Variants in ANKRD36 observed in about 807,000 individuals in gnomAD.
The protein encoded by ANKRD36 is ankyrin repeat domain 36, also known as ankyrin repeat domain-containing protein 36A.
In ANKRD36, 179 loss-of-function variants were observed where a neutral mutation model predicts 278.1. The ratio of observed to expected loss-of-function variants is 0.64; its 90% CI spans 0.57 to 0.73. ANKRD36 has a LOEUF of 0.73. ANKRD36 is among the 30% of genes least tolerant of loss of function. The pLI is 0.00. For synonymous variants in ANKRD36, 320 were observed against 641.1 expected (o/e 0.50, Z 7.57); for missense variants, 1,159 against 1,956.7 (o/e 0.59, Z 7.69).
chr2:97,130,064 T>G (rs547204662), intron 6 of ANKRD36, among the ~76,000 whole-genome samples: 1 of 152,180 alleles, frequency 6.6e-6, no homozygotes, highest in South Asian at 2.1e-4. Context: ...CCTTGGGCAG[T>G]ACAGCCATTT....
chr2:97,229,466 C>T (rs1558947443), intron 67 of ANKRD36, among the ~76,000 whole-genome samples: 1 of 151,966 alleles, frequency 6.6e-6, no homozygotes, highest in African/African-American at 2.4e-5. Flanking sequence ...CAACCCCTGC[C>T]TTTTTTTGTT....
chr2:97,183,728 G>A, intron 28 of ANKRD36, 74 bp downstream of exon 28: 1 of 1,467,512 alleles, frequency 6.8e-7, no homozygotes, highest in South Asian at 1.3e-5. Context: ...GAATAGATCA[G>A]TGGGGTGTCA....
chr2:97,230,460 A>T (rs1240777917), intron 67 of ANKRD36, among the ~76,000 whole-genome samples: 6 of 152,078 alleles, frequency 3.9e-5, no homozygotes, highest in African/African-American at 1.4e-4. Context: ...CTCTTCACGT[A>T]GTTCTCGAGC....
chr2:97,223,097 A>ATT (rs2068226890), intron 66 of ANKRD36, among the ~76,000 whole-genome samples: 1 of 132,742 alleles, frequency 7.5e-6, no homozygotes, highest in African/African-American at 3.1e-5. Context: ...CTTATTATAC[A>ATT]CTTTTTTTTT....
chr2:97,240,996 T>G (rs1383297280), intron 68 of ANKRD36, among the ~76,000 whole-genome samples: 87 of 144,232 alleles, frequency 6.0e-4, no homozygotes, highest in Non-Finnish European at 9.9e-4. Flanking sequence ...TTTTTTTTTT[T>G]TTTTTTTTTT....
chr2:97,209,946 C>T (rs1379484428), intron 56 of ANKRD36, 74 bp downstream of exon 56: 104 of 1,510,298 alleles, frequency 6.9e-5, no homozygotes, highest in Non-Finnish European at 8.2e-5. Flanking sequence ...AATAAATCAG[C>T]GGAGGGCTCG....
At chr2:97,232,148 TTTAA>T (rs2072368817) in intron 67 of ANKRD36, among the ~76,000 whole-genome samples, 1 of 152,082 alleles carries the variant, frequency 6.6e-6, no homozygotes, top group African/African-American at 2.4e-5. Context: ...GATATTAAAC[TTTAA>T]TTATTTTAAA....
chr2:97,118,311 G>A (rs879158671), intron 2 of ANKRD36, 33 bp from the exon 3 acceptor site: 12 of 1,611,100 alleles, frequency 7.4e-6, no homozygotes, highest in African/African-American at 2.7e-5. Context: ...TGATTTTTCA[G>A]TATTTGCATG....
rs766171259 is a variant in ANKRD36 at position 97,144,713 on chromosome 2, G to A, written c.1003+1G>A. 1.4e-5 allele frequency: 22 copies of A among 1,543,942 alleles called. No individual in the cohort carries two copies. The Admixed American group carries it at 4.1e-4, about 29-fold the overall frequency. ...AAAGATGAACAAAAATCTGGGACAG[G>A]TAATTTTGCAATACACATTTAATGC... On this transcript the variant is annotated splice_donor_variant, in intron 10 of 75. Coordinates refer to ENST00000420699, the MANE Select transcript of ANKRD36 (RefSeq NM_001354587.1). LOFTEE classifies it high-confidence loss of function.
At chr2:97,207,614 C>G (rs1413887361) in intron 52 of ANKRD36, among the ~76,000 whole-genome samples, 197 bp from the exon 53 acceptor site, 4 of 151,460 alleles carry the variant, frequency 2.6e-5, no homozygotes, top group African/African-American at 7.2e-5. Flanking sequence ...AATTCTAAGA[C>G]TATATTTCAT....
intron 6 of ANKRD36, among the ~76,000 whole-genome samples, chr2:97,133,377 A>G (rs2040671322): frequency 6.6e-6 from 1 of 152,078 alleles, no homozygotes; most frequent in South Asian, 2.1e-4. Flanking sequence ...AGAAGTTACT[A>G]TGGCAATATT....
chr2:97,205,008 T>C (rs1050064125), intron 50 of ANKRD36, among the ~76,000 whole-genome samples: 4 of 151,460 alleles, frequency 2.6e-5, no homozygotes, highest in African/African-American at 9.7e-5. Flanking sequence ...ATTGGCTTCT[T>C]TGTTCAAGGA....
Position 97,196,745 on chromosome 2 carries a change from G to A in ANKRD36, c.2610G>A (p.Leu870=), listed in dbSNP as rs1380706903. The A allele has an allele frequency of 5.1e-6, 8 of 1,555,510 alleles. No homozygotes were observed. Among genetic ancestry groups the A allele is most frequent in the Non-Finnish European group, 5.2e-6 (6 of 1,152,378 alleles). The change falls in exon 42 of 76, where the codon TTG becomes TTA. Residue 870 remains leucine (L), a synonymous_variant. Coordinates refer to ENST00000420699, the MANE Select transcript of ANKRD36 (RefSeq NM_001354587.1). ...CAAGTGACGAGGAAGATTCTGTTTT[G>A]GGTATAGCCAGAGAAAACAAGGATG... The part of the protein sequence containing the change: ...KGTSDEEDSV[L]GIARENKDGE...
At chr2:97,205,916 T>C in intron 50 of ANKRD36, 24 bp from the exon 51 acceptor site, 4 of 1,543,214 alleles carry the variant, frequency 2.6e-6, no homozygotes, top group Non-Finnish European at 2.6e-6. Context: ...ATATGACTGA[T>C]TATGAATCAC....
intron 6 of ANKRD36, among the ~76,000 whole-genome samples, chr2:97,131,015 AT>A (rs2040002681): frequency 6.6e-6 from 1 of 151,940 alleles, no homozygotes; most frequent in Non-Finnish European, 1.5e-5. Context: ...TGTCTTTTAA[AT>A]TTTCAAATTA....
At chr2:97,210,543 G>A (rs569013182) in intron 56 of ANKRD36, among the ~76,000 whole-genome samples, 11 of 151,920 alleles carry the variant, frequency 7.2e-5, no homozygotes, top group East Asian at 2.0e-4. Flanking sequence ...ACTAGGAGGC[G>A]TCAGAGATAC....
rs868541658 is a variant in ANKRD36, at chr2:97,116,800, C to T, written c.198-1264C>T. On this transcript the variant is annotated intron_variant, in intron 1 of 75. Transcript: ENST00000420699. ...AAAATGAGCAAATATAAGTGATTAT[C>T]ACTATTCCAAAAGCACTGCTTTAAT... is the stretch of plus-strand genomic sequence containing the variant. 2.0e-5 allele frequency among the ~76,000 whole-genome samples: 3 copies of T among 152,102 alleles called. No homozygotes were observed. The South Asian group carries it at 6.3e-4, about 32-fold the overall frequency.
intron 1 of ANKRD36, among the ~76,000 whole-genome samples, chr2:97,115,922 T>G (rs1400229040): frequency 6.6e-6 from 1 of 150,632 alleles, no homozygotes; most frequent in Non-Finnish European, 1.5e-5. Flanking sequence ...ATCAATAAAT[T>G]TCAGTGCATC....
chr2:97,118,138 T>C lies in ANKRD36; in HGVS notation c.272T>C (p.Leu91Pro), dbSNP rs370308910. 5,253 of 1,566,884 alleles carry C rather than the reference T, an allele frequency of 3.4e-3. 283 individuals are homozygous for C. The South Asian group carries it at 0.058, about 17-fold the overall frequency. The change falls in exon 2 of 76, where the codon CTT (leucine) becomes CCT (proline). Residue 91 changes from leucine to proline, a missense_variant. By Grantham distance (98) the Leu-to-Pro change is moderately conservative. Coordinates refer to ENST00000420699, the MANE Select transcript of ANKRD36 (RefSeq NM_001354587.1). ...VHLLVSRRCE[L>P]NLCDREDRTP... The stretch of plus-strand genomic sequence containing the variant: ...CTCCTGGTGTCCAGAAGATGTGAGC[T>C]TAACCTCTGCGACCGTGAAGACAGG...
Sources: gnomAD v4.1 joint callset for allele counts (sites outside exome capture counted in the v4.1 genomes callset) on GRCh38, gnomAD v4.1.1 for gene constraint, MANE v1.5 for transcripts, NCBI Gene and HGNC (gene_info 2026-07-23, HGNC 2026-07-21) for gene names.